Variants in PITPNM2 observed in about 807,000 individuals in gnomAD.
The protein encoded by PITPNM2 is phosphatidylinositol transfer protein membrane associated 2, also known as membrane-associated phosphatidylinositol transfer protein 2.
A neutral mutation model predicts 132.2 loss-of-function variants in PITPNM2; 35 were observed. That is an observed-to-expected ratio of 0.26 (90% CI 0.20 to 0.35). The LOEUF (loss-of-function observed/expected upper bound fraction) is 0.35, where lower values mean the gene tolerates loss of function less well. Ranked by LOEUF, PITPNM2 falls within the 10% of genes least tolerant of loss-of-function variation. The pLI, the probability that PITPNM2 is intolerant of heterozygous loss-of-function variation, is 1.00. For missense variants in PITPNM2, 1,332 were observed against 1,912.0 expected (o/e 0.70, Z 5.66); for synonymous variants, 738 against 799.2 (o/e 0.92, Z 1.29).
chr12:123,015,199 T>C (rs1471668450), intron 3 of PITPNM2, among the ~76,000 whole-genome samples: 1 of 152,150 alleles, frequency 6.6e-6, no homozygotes, highest in African/African-American at 2.4e-5. Flanking sequence ...AAAATTCATA[T>C]GGAATTACAG....
In PITPNM2 at chr12:123,058,211, G is replaced by A. The variant is rs749709463; in HGVS notation, c.-95-23526C>T. On this transcript the variant is annotated intron_variant, in intron 2 of 25. Transcript: ENST00000320201. The surrounding 1 kb of genome is among the most constrained non-coding windows in gnomAD (Gnocchi z 4.0). ...GGGCTGCCAGGGAGGTGGTCAGGGT[G>A]TATACCAGGTCTCCGTCTCCAATGC... Among the ~76,000 whole-genome samples, 143 of 152,200 alleles carry A rather than the reference G, an allele frequency of 9.4e-4. No homozygotes were observed. The highest frequency in any genetic ancestry group is 1.5e-3 in the Non-Finnish European group (101 of 68,030).
Position 122,988,584 on chromosome 12 carries a change from T to A in PITPNM2, c.2880+140A>T, listed in dbSNP as rs2038041285. On this transcript the variant is annotated intron_variant, in intron 19 of 25. Coordinates refer to ENST00000320201, the MANE Select transcript of PITPNM2 (RefSeq NM_020845.3). The stretch of plus-strand genomic sequence containing the variant: ...TGAAAAGCCTGAATACACCCGAGCA[T>A]AAAGGTGCCCTCATCTTGCTTGCTC... 12 of 931,994 alleles carry A rather than the reference T, an allele frequency of 1.3e-5. No homozygotes were observed. In the East Asian group the frequency reaches 3.2e-4, roughly 25 times the overall value. 57.7% of individuals were successfully genotyped at this position (931,994 alleles called of 1,614,324 possible).
At chr12:123,018,293 C>CTTTTTT (rs3085478) in intron 3 of PITPNM2, among the ~76,000 whole-genome samples, 120 of 126,320 alleles carry the variant, frequency 9.5e-4, no homozygotes, top group African/African-American at 3.3e-3. Flanking sequence ...TTTTTCTTTT[C>CTTTTTT]TTTTTTTTTT....
chr12:122,987,946 C>G (rs1250343376), intron 20 of PITPNM2, 45 bp from the exon 21 acceptor site: 1 of 1,536,166 alleles, frequency 6.5e-7, no homozygotes, highest in Non-Finnish European at 8.9e-7. Context: ...CGGAGGGCAC[C>G]CCGGGTCCCT....
At position 122,986,474 on chromosome 12, in the gene PITPNM2, C is replaced by T. The variant is rs1402049148; in HGVS notation, c.3688G>A (p.Val1230Met). The T allele has an allele frequency of 3.8e-6, 6 of 1,582,304 alleles. No individual in the cohort carries two copies. Among genetic ancestry groups the T allele is most frequent in the East Asian group, 2.3e-5 (1 of 43,476 alleles). Residue 1230 changes from valine to methionine, a missense_variant, in exon 25 of 26, where the codon GTG becomes ATG. Physicochemically the swap from Val to Met is conservative, Grantham distance 21. Transcript: ENST00000320201. Reference sequence around the variant, plus strand: ...TGCAGCTTCTTGGTGGGCCGGCCCACGATGTAGATCTGCATGGGGGACAGG... The same window carrying T: ...TGCAGCTTCTTGGTGGGCCGGCCCATGATGTAGATCTGCATGGGGGACAGG... ...ISLSPMQIYI[V>M]GRPTKKLQQQ...
intron 2 of PITPNM2, among the ~76,000 whole-genome samples, chr12:123,037,883 G>A (rs375578060): frequency 1.2e-4 from 19 of 152,364 alleles, no homozygotes; most frequent in Admixed American, 1.2e-3. Flanking sequence ...GTCTGGAACA[G>A]ATACCTAATG....
intron 5 of PITPNM2, 64 bp downstream of exon 5, chr12:123,012,549 A>G: frequency 1.3e-6 from 2 of 1,586,158 alleles, no homozygotes; most frequent in Non-Finnish European, 1.7e-6. Flanking sequence ...GGGGCAGGAC[A>G]AGAGGGACCT....
At chr12:123,025,341 A>G (rs1250593607) in intron 3 of PITPNM2, among the ~76,000 whole-genome samples, 1 of 152,130 alleles carries the variant, frequency 6.6e-6, no homozygotes, top group Non-Finnish European at 1.5e-5. Context: ...AACAAAAAAC[A>G]GACAAGACTC....
intron 1 of PITPNM2, among the ~76,000 whole-genome samples, chr12:123,131,400 G>A (rs891155983): frequency 7.2e-5 from 11 of 152,206 alleles, no homozygotes. Flanking sequence ...ACAGATACTC[G>A]TTGCGGTCTC....
intron 2 of PITPNM2, among the ~76,000 whole-genome samples, chr12:123,073,242 C>A (rs566464426): frequency 6.6e-6 from 1 of 152,158 alleles, no homozygotes; most frequent in African/African-American, 2.4e-5. Context: ...CTCTAAGCTA[C>A]GGAAAAATTG....
rs565251126 is a variant in PITPNM2, at chr12:122,984,420, C to T, written c.*1607G>A. The T allele has an allele frequency of 1.3e-5, 2 of 152,648 alleles. No homozygotes were observed. Among genetic ancestry groups the T allele is most frequent in the East Asian group, 1.9e-4 (1 of 5,208 alleles). The allele number at this position is 152,648 out of a possible 1,614,324, so 9.5% of individuals were successfully genotyped here. The stretch of plus-strand genomic sequence containing the variant: ...TATTGCACTTTCACTGCAACAGTTA[C>T]ATGAAAACTTGGTCCATAAAATAAT... On this transcript the variant is annotated 3_prime_UTR_variant, in exon 26 of 26. Coordinates refer to ENST00000320201, the MANE Select transcript of PITPNM2 (RefSeq NM_020845.3).
intron 3 of PITPNM2, among the ~76,000 whole-genome samples, chr12:123,033,328 C>G (rs535939463): frequency 6.6e-6 from 1 of 152,144 alleles, no homozygotes; most frequent in African/African-American, 2.4e-5. Flanking sequence ...GACAGAAGGC[C>G]AGCAGGAGAG....
intron 14 of PITPNM2, 108 bp from the exon 15 acceptor site, chr12:122,995,087 T>TGG: frequency 7.9e-7 from 1 of 1,267,728 alleles, no homozygotes; most frequent in Non-Finnish European, 1.1e-6. Flanking sequence ...CCCACTGGCT[T>TGG]CAGGACAGCC....
At chr12:123,130,062 C>G (rs10846468) in intron 1 of PITPNM2, among the ~76,000 whole-genome samples, 7 of 152,002 alleles carry the variant, frequency 4.6e-5, no homozygotes, top group African/African-American at 1.7e-4. Context: ...CACCACCATA[C>G]CCAGCTAATT....
Position 123,001,130 on chromosome 12 carries a change from G to A in PITPNM2, c.1077C>T (p.Phe359=), listed in dbSNP as rs1566239467. The change falls in exon 9 of 26, where the codon TTC becomes TTT. Residue 359 remains phenylalanine (F), a synonymous_variant. Coordinates refer to ENST00000320201, the MANE Select transcript of PITPNM2 (RefSeq NM_020845.3). ...AGCTCCACTTGGTGATGTCCTTGGG[G>A]AACATTTCCTCTGTGTCGGACAGGT... ...HEDLSDTEEM[F]PKDITKWSSN... 2.5e-6 allele frequency: 4 copies of A among 1,614,056 alleles called. No homozygotes were observed. Among genetic ancestry groups the A allele is most frequent in the East Asian group, 4.5e-5 (2 of 44,890 alleles).
chr12:122,987,759 G>GT (rs777014984), intron 21 of PITPNM2, 26 bp downstream of exon 21: 135 of 1,613,416 alleles, frequency 8.4e-5, no homozygotes, highest in Non-Finnish European at 1.1e-4. Flanking sequence ...GTCCCTCCAT[G>GT]TTACCCCTAC....
rs567576530 is a variant in PITPNM2, at chr12:123,123,898, C to T, written c.-199-13410G>A. ...TTGTAGTGAGTGGAGATCGCACCAC[C>T]GCACTCTACCCTGGGCAACAGAGCA... is the stretch of plus-strand genomic sequence containing the variant. On this transcript the variant is annotated intron_variant, in intron 1 of 25. Coordinates refer to ENST00000320201, the MANE Select transcript of PITPNM2 (RefSeq NM_020845.3). Among the ~76,000 whole-genome samples, 419 of 149,630 alleles carry T rather than the reference C, an allele frequency of 2.8e-3. 1 individual carries two copies. Among genetic ancestry groups the T allele is most frequent in the Non-Finnish European group, 4.5e-3 (302 of 67,456 alleles).
In PITPNM2 at chr12:123,041,856, C is replaced by T. The variant is rs558463618; in HGVS notation, c.-95-7171G>A. On this transcript the variant is annotated intron_variant, in intron 2 of 25. Coordinates refer to ENST00000320201, the MANE Select transcript of PITPNM2 (RefSeq NM_020845.3). The stretch of plus-strand genomic sequence containing the variant: ...TGCTCCAGGGATGACAGGGACCCTT[C>T]CCTGGGCTTCAAATGTGGCACCTGG... Among the ~76,000 whole-genome samples the T allele has an allele frequency of 5.9e-5, 9 of 152,174 alleles. No homozygotes were observed. The South Asian group carries it at 1.9e-3, about 32-fold the overall frequency.
rs1358779074 is a variant in PITPNM2 at position 122,994,388 on chromosome 12, G to A, written c.2233+413C>T. On this transcript the variant is annotated intron_variant, in intron 15 of 25. Transcript: ENST00000320201. This position sits in a 1 kb window ranked among gnomAD's most constrained non-coding sequence, Gnocchi z 5.4. ...TGCCCTGGGTAGACAGAGACGCACA[G>A]CTGTGGCCCCTCCAGGGCTGGGAGC... Among the ~76,000 whole-genome samples the A allele has an allele frequency of 6.6e-6, 1 of 152,230 alleles. No individual in the cohort carries two copies. Among genetic ancestry groups the A allele is most frequent in the Non-Finnish European group, 1.5e-5 (1 of 68,034 alleles).
Sources: gnomAD v4.1 joint callset for allele counts (sites outside exome capture counted in the v4.1 genomes callset) on GRCh38, gnomAD v4.1.1 for gene constraint, Gnocchi (gnomAD v3.1) non-coding constraint, MANE v1.5 for transcripts, NCBI Gene and HGNC (gene_info 2026-07-23, HGNC 2026-07-21) for gene names.